TMCC3: variants seen among roughly 807,000 people sequenced by gnomAD.
TMCC3 encodes transmembrane and coiled-coil domain family 3, also known as transmembrane and coiled-coil domain protein 3.
In TMCC3, 28 loss-of-function variants were observed where a neutral mutation model predicts 40.2. The ratio of observed to expected loss-of-function variants is 0.70; its 90% confidence interval spans 0.52 to 0.95. The LOEUF is 0.95. TMCC3 is among the 40% of genes least tolerant of loss of function. The pLI is 0.00. For missense variants in TMCC3, 554 were observed against 615.2 expected (o/e 0.90, Z 1.05); for synonymous variants, 255 against 248.5 (o/e 1.03, Z -0.25).
chr12:94,633,959 T>G (rs943374015), intron 1 of TMCC3, among the ~76,000 whole-genome samples: 1 of 151,750 alleles, frequency 6.6e-6, no homozygotes, highest in African/African-American at 2.4e-5. Context: ...ATTTTTTTTT[T>G]TTTTGAGACA....
intron 1 of TMCC3, among the ~76,000 whole-genome samples, chr12:94,587,613 C>T (rs899913494): frequency 6.6e-6 from 1 of 152,144 alleles, no homozygotes; most frequent in Non-Finnish European, 1.5e-5. Context: ...AAGTGTTCAC[C>T]TCTTCAAGTG....
At position 94,582,007 on chromosome 12, in the gene TMCC3, T is replaced by C. The variant is rs2068605518; in HGVS notation, c.610A>G (p.Arg204Gly). 6.2e-7 allele frequency: 1 copy of C among 1,614,084 alleles called. No homozygotes were observed. The highest frequency in any genetic ancestry group is 1.7e-5 in the Admixed American group (1 of 60,014). Residue 204 changes from arginine to glycine, a missense_variant, in exon 2 of 4, where the codon AGA (arginine) becomes GGA (glycine). Transcript: ENST00000261226. ...TTCCGGATCAGGTTGGCAAACTCTC[T>C]GGACTTATTGAAAACGAACACAGGT... The part of the protein sequence containing the change: ...TPPVFVFNKS[R>G]EFANLIRNKF...
rs1462947729 is a variant in TMCC3, at chr12:94,582,992, TTTA to T, written c.79-457_79-455del. Among the ~76,000 whole-genome samples, 26 of 22,624 alleles carry T rather than the reference TTTA, an allele frequency of 1.1e-3. No homozygotes were observed. The African/African-American group carries it at 0.02, about 17-fold the overall frequency. The allele number at this position is 22,624 out of a possible 152,430, so 14.8% of individuals were successfully genotyped here. On this transcript the variant is annotated intron_variant, in intron 1 of 3. Coordinates refer to ENST00000261226, the MANE Select transcript of TMCC3 (RefSeq NM_020698.4). ...TTTTTTTTTTTTTTTTTTTTTTTTT[TTTA>T]AAAAAGAAAGATGGGGAAAAATAGG...
At chr12:94,603,003 C>A (rs917756328) in intron 1 of TMCC3, among the ~76,000 whole-genome samples, 1 of 152,202 alleles carries the variant, frequency 6.6e-6, no homozygotes, top group Non-Finnish European at 1.5e-5. Flanking sequence ...GCATCCTGCA[C>A]GCAAAATGCC....
At chr12:94,601,918 C>T (rs897135819) in intron 1 of TMCC3, among the ~76,000 whole-genome samples, 13 of 148,314 alleles carry the variant, frequency 8.8e-5, no homozygotes, top group African/African-American at 3.3e-4. Context: ...AAAATAAGAA[C>T]ATTTTAAATT....
intron 1 of TMCC3, chr12:94,644,417 C>T (rs1226091429): frequency 1.8e-5 from 18 of 985,164 alleles, no homozygotes; most frequent in Middle Eastern, 5.2e-4. Flanking sequence ...CTGGAGATGC[C>T]GGCAGAGGGT....
chr12:94,631,347 G>A (rs912615172), intron 1 of TMCC3, among the ~76,000 whole-genome samples: 2 of 152,082 alleles, frequency 1.3e-5, no homozygotes, highest in African/African-American at 2.4e-5. Flanking sequence ...CAATGTAACC[G>A]TATTTCAAGA....
At position 94,598,683 on chromosome 12, in the gene TMCC3, C is replaced by T. The variant is rs1223722201; in HGVS notation, c.79-16145G>A. The T allele has an allele frequency of 9.1e-6, 9 of 985,238 alleles. 1 individual carries two copies. In the Middle Eastern group the frequency reaches 1.5e-3, roughly 170 times the overall value. 61.0% of individuals were successfully genotyped at this position (985,238 alleles called of 1,614,324 possible). ...GTTCTACAGTCATTAAATGCTCTGC[C>T]GTCAATAAGAGGAGGCTTTCTTCTC... is the stretch of plus-strand genomic sequence containing the variant. On this transcript the variant is annotated intron_variant, in intron 1 of 3. Coordinates refer to ENST00000261226, the MANE Select transcript of TMCC3 (RefSeq NM_020698.4).
intron 1 of TMCC3, among the ~76,000 whole-genome samples, chr12:94,641,067 G>A (rs935958425): frequency 6.6e-6 from 1 of 152,130 alleles, no homozygotes; most frequent in Non-Finnish European, 1.5e-5. Context: ...GGACATGATG[G>A]TATGTGCCTG....
At position 94,576,501 on chromosome 12, in the gene TMCC3, AC is replaced by A. The variant is rs1214155968; in HGVS notation, c.1131+1892del. On this transcript the variant is annotated intron_variant, in intron 3 of 3. Coordinates refer to ENST00000261226, the MANE Select transcript of TMCC3 (RefSeq NM_020698.4). Reference sequence around the variant, plus strand: ...CTTGAAGAGTACTTTTTTAAGAGACACAGGGCCTCACTCTGTCACCCCCCAG... The same window carrying A: ...CTTGAAGAGTACTTTTTTAAGAGACAAGGGCCTCACTCTGTCACCCCCCAG... Among the ~76,000 whole-genome samples, 3 of 152,220 alleles carry A rather than the reference AC, an allele frequency of 2.0e-5. No individual in the cohort carries two copies. In the East Asian group the frequency reaches 5.8e-4, roughly 29 times the overall value.
At chr12:94,576,537 C>T (rs1215366442) in intron 3 of TMCC3, among the ~76,000 whole-genome samples, 2 of 152,104 alleles carry the variant, frequency 1.3e-5, no homozygotes, top group Non-Finnish European at 2.9e-5. Flanking sequence ...GGCTGGAGTG[C>T]ATTGGCACAA....
chr12:94,582,902 G>A (rs1446816998), intron 1 of TMCC3, among the ~76,000 whole-genome samples: 1 of 151,598 alleles, frequency 6.6e-6, no homozygotes, highest in East Asian at 1.9e-4. Flanking sequence ...ACATTCACTG[G>A]GAACTTCACC....
chr12:94,622,871 A>G (rs1195860718), intron 1 of TMCC3, among the ~76,000 whole-genome samples: 4 of 151,984 alleles, frequency 2.6e-5, no homozygotes, highest in Admixed American at 6.6e-5. Flanking sequence ...AAACCTCAAC[A>G]CTTCTGTATT....
intron 1 of TMCC3, among the ~76,000 whole-genome samples, chr12:94,641,896 A>C (rs191838158): frequency 5.7e-4 from 86 of 151,874 alleles, no homozygotes; most frequent in African/African-American, 2.0e-3. Flanking sequence ...AAATGAAGAC[A>C]CTAAGAGGAA....
chr12:94,619,115 C>T (rs11107623), intron 1 of TMCC3, among the ~76,000 whole-genome samples: 48 of 152,292 alleles, frequency 3.2e-4, no homozygotes, highest in African/African-American at 1.2e-3. Context: ...TTGACATATG[C>T]ATTACACACA....
chr12:94,572,422 T>G (rs554264912), intron 3 of TMCC3, among the ~76,000 whole-genome samples: 1 of 148,574 alleles, frequency 6.7e-6, no homozygotes, highest in South Asian at 2.2e-4. Context: ...GCAATTCTCC[T>G]GCCTCAGCCT....
intron 1 of TMCC3, among the ~76,000 whole-genome samples, chr12:94,637,170 C>A (rs1406290094): frequency 6.6e-6 from 1 of 152,086 alleles, no homozygotes; most frequent in African/African-American, 2.4e-5. Flanking sequence ...CAAGAACATA[C>A]ATATAAACAG....
chr12:94,615,277 C>T (rs1459319618), intron 1 of TMCC3, among the ~76,000 whole-genome samples: 1 of 152,208 alleles, frequency 6.6e-6, no homozygotes, highest in Non-Finnish European at 1.5e-5. Context: ...TGAGCCTTCA[C>T]CACCCTATGG....
At chr12:94,600,081 A>C (rs999764390) in intron 1 of TMCC3, among the ~76,000 whole-genome samples, 1 of 152,224 alleles carries the variant, frequency 6.6e-6, no homozygotes, top group African/African-American at 2.4e-5. Flanking sequence ...AAAATGAATG[A>C]ATATGAATTA....
Sources: allele counts gnomAD v4.1 joint callset (sites outside exome capture counted in the v4.1 genomes callset), GRCh38; gene constraint gnomAD v4.1.1; transcripts MANE v1.5; gene names NCBI Gene and HGNC (gene_info 2026-07-23, HGNC 2026-07-21).